ACTN4: variants seen among roughly 807,000 people sequenced by gnomAD.
ACTN4 encodes the protein actinin alpha 4, also known as alpha-actinin-4.
ACTN4 carries 18 observed loss-of-function variants against 114.2 expected under a neutral mutation model. The observed-to-expected ratio is 0.16, with a 90% CI of 0.11 to 0.23. ACTN4 has a LOEUF of 0.23. ACTN4 is among the 10% of genes least tolerant of loss of function. The pLI is 1.00. For missense variants in ACTN4, 722 were observed against 1,262.9 expected, an observed-to-expected ratio of 0.57 and a Z score of 6.49; for synonymous variants, 515 against 506.3, an observed-to-expected ratio of 1.02 and a Z score of -0.23.
At chr19:38,659,052 C>A (rs1006392386) in intron 1 of ACTN4, among the ~76,000 whole-genome samples, 13 of 90,680 alleles carry the variant, frequency 1.4e-4, no homozygotes, top group Non-Finnish European at 2.8e-4. Context: ...ACTTTTTTTT[C>A]TTCTTTTCTT....
In ACTN4 at chr19:38,727,168, G is replaced by C. The variant is rs1053703271; in HGVS notation, c.2337+65G>C. ...CGTTGCCGTACCAGCCCACACCTTC[G>C]TCTCTGCATCTGTTCGTCCATTCCC... On this transcript the variant is annotated intron_variant, in intron 18 of 20. Coordinates refer to ENST00000252699, the MANE Select transcript of ACTN4 (RefSeq NM_004924.6). The surrounding 1 kb of genome is among the most constrained non-coding windows in gnomAD (Gnocchi z 5.4). 1.9e-6 allele frequency: 3 copies of C among 1,610,390 alleles called. No homozygotes were observed. The highest frequency in any genetic ancestry group is 2.5e-6 in the Non-Finnish European group (3 of 1,178,096).
At chr19:38,700,490 C>T (rs1968235426) in intron 1 of ACTN4, 110 bp from the exon 2 acceptor site, 2 of 865,970 alleles carry the variant, frequency 2.3e-6, no homozygotes, top group East Asian at 2.5e-5. Context: ...GCGAGTGCTC[C>T]GTGGCAGCTG....
intron 8 of ACTN4, 45 bp downstream of exon 8, chr19:38,710,387 A>T (rs778913354): frequency 6.3e-7 from 1 of 1,589,834 alleles, no homozygotes; most frequent in South Asian, 1.1e-5. Flanking sequence ...CCACCGCGCA[A>T]TGCCGCCGCT....
At chr19:38,726,768 CACTT>C (rs1358847220) in intron 17 of ACTN4, among the ~76,000 whole-genome samples, 185 bp from the exon 18 acceptor site, 2 of 152,198 alleles carry the variant, frequency 1.3e-5, no homozygotes, top group African/African-American at 2.4e-5. Flanking sequence ...CTGGGAAACA[CACTT>C]ACTGTGGAGA....
chr19:38,673,536 C>T (rs8182553), intron 1 of ACTN4, among the ~76,000 whole-genome samples: 29,166 of 65,988 alleles, frequency 0.44, 6,784 homozygotes, highest in Non-Finnish European at 0.55. Context: ...TTCATATATA[C>T]TTATATATAT....
At chr19:38,688,754 A>G (rs1967829118) in intron 1 of ACTN4, among the ~76,000 whole-genome samples, 1 of 152,084 alleles carries the variant, frequency 6.6e-6, no homozygotes, top group Admixed American at 6.6e-5. Flanking sequence ...GAAAACCACA[A>G]TGAGATACCA....
chr19:38,730,983 G>A lies in ACTN4; in HGVS notation c.*1551G>A, dbSNP rs1969544285. ...GGCTCACCTGTCTGTGGGTCAGGCA[G>A]ATGACCCCCTCACCCCCATCCAGGT... On this transcript the variant is annotated 3_prime_UTR_variant, in exon 21 of 21. Coordinates refer to ENST00000252699, the MANE Select transcript of ACTN4 (RefSeq NM_004924.6). 1 of 1,551,110 alleles carries A rather than the reference G, an allele frequency of 6.4e-7. No individual in the cohort carries two copies. The highest frequency in any genetic ancestry group is 8.7e-7 in the Non-Finnish European group (1 of 1,147,376).
intron 4 of ACTN4, 26 bp downstream of exon 4, chr19:38,705,046 C>T (rs747503015): frequency 6.2e-7 from 1 of 1,601,210 alleles, no homozygotes; most frequent in Non-Finnish European, 8.6e-7. Flanking sequence ...ACTGCCCCCG[C>T]TTCCCACCTG....
Position 38,731,456 on chromosome 19 carries a change from G to T in ACTN4, c.*2024G>T. The T allele has an allele frequency of 3.5e-6, 2 of 572,922 alleles. No individual in the cohort carries two copies. Among genetic ancestry groups the T allele is most frequent in the South Asian group, 2.0e-5 (1 of 50,418 alleles). 35.5% of individuals were successfully genotyped at this position (572,922 alleles called of 1,614,324 possible). Reference sequence around the variant, plus strand: ...CCCATAGGGTGTGTGAAGACAGAACGCTCAGGACAGCGTCTGACACGTGAC... The same window carrying T: ...CCCATAGGGTGTGTGAAGACAGAACTCTCAGGACAGCGTCTGACACGTGAC... On this transcript the variant is annotated 3_prime_UTR_variant, in exon 21 of 21. Coordinates refer to ENST00000252699, the MANE Select transcript of ACTN4 (RefSeq NM_004924.6).
chr19:38,717,315 C>T lies in ACTN4; in HGVS notation c.1142C>T (p.Ser381Leu), dbSNP rs779031271. ...AFMPSEGKMV[S>L]DINNGWQHLE... Reference sequence around the variant, plus strand: ...ATGCCCTCCGAGGGCAAGATGGTCTCGGTGAGCACCAGGATTCACATGGGA... The same window carrying T: ...ATGCCCTCCGAGGGCAAGATGGTCTTGGTGAGCACCAGGATTCACATGGGA... The change falls in exon 10 of 21, where the codon TCG becomes TTG. Residue 381 changes from serine (S) to leucine (L), a missense_variant and splice_region_variant. By Grantham distance (145) the Ser-to-Leu change is moderately radical (BLOSUM62 -2). Around this residue, in one of 3 missense-constraint regions of ACTN4, gnomAD observed 523 missense variants for 875.9 expected, o/e 0.60. Coordinates refer to ENST00000252699, the MANE Select transcript of ACTN4 (RefSeq NM_004924.6). This position sits in a 1 kb window ranked among gnomAD's most constrained non-coding sequence, Gnocchi z 4.0. The T allele has an allele frequency of 1.4e-5, 23 of 1,613,402 alleles. No individual in the cohort carries two copies. The highest frequency in any genetic ancestry group is 6.6e-5 in the South Asian group (6 of 91,004).
In ACTN4 at chr19:38,717,643, G is replaced by A. The variant is rs1177257241; in HGVS notation, c.1144-284G>A. Among the ~76,000 whole-genome samples, 2 of 152,192 alleles carry A rather than the reference G, an allele frequency of 1.3e-5. No homozygotes were observed. Among genetic ancestry groups the A allele is most frequent in the Admixed American group, 6.5e-5 (1 of 15,276 alleles). On this transcript the variant is annotated intron_variant, in intron 10 of 20. Transcript: ENST00000252699. The surrounding 1 kb of genome is among the most constrained non-coding windows in gnomAD (Gnocchi z 4.0). ...GCCATGTGCTTGAGGCCCTTCATCA[G>A]CGGAGGGGCAGTGCGCCCTGGACGG... is the stretch of plus-strand genomic sequence containing the variant.
chr19:38,649,643 T>C (rs1685999423), intron 1 of ACTN4, among the ~76,000 whole-genome samples: 1 of 151,924 alleles, frequency 6.6e-6, no homozygotes, highest in East Asian at 1.9e-4. Flanking sequence ...AGAGTGAGTT[T>C]GGTGGAGATT....
At chr19:38,697,087 C>T (rs772511278) in intron 1 of ACTN4, among the ~76,000 whole-genome samples, 8 of 151,980 alleles carry the variant, frequency 5.3e-5, no homozygotes, top group Non-Finnish European at 1.0e-4. Flanking sequence ...AGATGTGAAT[C>T]CGCACCTGTG....
chr19:38,660,361 T>C (rs1403176005), intron 1 of ACTN4, among the ~76,000 whole-genome samples: 1 of 152,166 alleles, frequency 6.6e-6, no homozygotes, highest in East Asian at 1.9e-4. Flanking sequence ...CTAGACACTA[T>C]TCTAAGTGCT....
At chr19:38,716,919 T>G (rs1216881822) in intron 9 of ACTN4, among the ~76,000 whole-genome samples, 167 bp from the exon 10 acceptor site, 1 of 152,010 alleles carries the variant, frequency 6.6e-6, no homozygotes, top group Non-Finnish European at 1.5e-5. Flanking sequence ...AGTTCCAGGT[T>G]GGGGGTTCTA....
At position 38,729,769 on chromosome 19, in the gene ACTN4, G is replaced by GTCTC. The variant is rs1236200280; in HGVS notation, c.*339_*342dup. 2 of 515,120 alleles carry GTCTC rather than the reference G, an allele frequency of 3.9e-6. No homozygotes were observed. Among genetic ancestry groups the GTCTC allele is most frequent in the Admixed American group, 4.6e-5 (2 of 43,634 alleles). 31.9% of individuals were successfully genotyped at this position (515,120 alleles called of 1,614,324 possible). ...CCCTGGGATGCCTCACCACACCCAG[G>GTCTC]TCTCTTCCTTTGCTCTGAGGTCCCT... is the stretch of plus-strand genomic sequence containing the variant. On this transcript the variant is annotated 3_prime_UTR_variant, in exon 21 of 21. Coordinates refer to ENST00000252699, the MANE Select transcript of ACTN4 (RefSeq NM_004924.6).
intron 1 of ACTN4, among the ~76,000 whole-genome samples, chr19:38,673,555 ACTTATATATATT>A (rs1967229837): frequency 6.1e-5 from 6 of 98,638 alleles, no homozygotes; most frequent in South Asian, 2.7e-4. Context: ...ATTTATATAT[ACTTATATATATT>A]TATATATATT....
At chr19:38,698,462 A>G (rs1415837480) in intron 1 of ACTN4, among the ~76,000 whole-genome samples, 2 of 152,202 alleles carry the variant, frequency 1.3e-5, no homozygotes, top group Non-Finnish European at 2.9e-5. Flanking sequence ...AGGAGTTCAT[A>G]GCCGTGGGAG....
chr19:38,663,417 G>A (rs1311394149), intron 1 of ACTN4, among the ~76,000 whole-genome samples: 1 of 152,188 alleles, frequency 6.6e-6, no homozygotes, highest in African/African-American at 2.4e-5. Context: ...TCGCGGTGTA[G>A]CTGGGGAGAG....
Sources: allele counts gnomAD v4.1 joint callset (sites outside exome capture counted in the v4.1 genomes callset), GRCh38; gene constraint gnomAD v4.1.1; regional missense constraint gnomAD v4.1.1; non-coding constraint Gnocchi (gnomAD v3.1); transcripts MANE v1.5; gene names NCBI Gene and HGNC (gene_info 2026-07-23, HGNC 2026-07-21).